The following GPHN variants were observed in gnomAD, a reference collection of about 807,000 sequenced individuals.
The protein encoded by GPHN is gephyrin.
Under a neutral mutation model 95.5 loss-of-function variants are expected in GPHN, and 17 were observed. The observed-to-expected ratio is 0.18, with a 90% CI of 0.12 to 0.27. The LOEUF (loss-of-function observed/expected upper bound fraction) is 0.27. Among genes scored for constraint, GPHN ranks in the 10% least tolerant of loss-of-function variants. The probability of loss-of-function intolerance (pLI) is 1.00; values close to 1 mark genes in which losing one functional copy is unlikely to be tolerated. For missense variants in GPHN, 660 were observed against 978.1 expected, an observed-to-expected ratio of 0.67 and a Z score of 4.34; for synonymous variants, 320 against 322.5, an observed-to-expected ratio of 0.99 and a Z score of 0.08.
chr14:67,125,789 AAAGTC>A (rs1473633454), intron 17 of GPHN, among the ~76,000 whole-genome samples: 2 of 152,066 alleles, frequency 1.3e-5, no homozygotes, highest in East Asian at 3.9e-4. Context: ...AAAAAAAAAA[AAAGTC>A]AGTAAGCACA....
the GPHN span, among the ~76,000 whole-genome samples, chr14:67,406,979 G>A: frequency 6.6e-6 from 1 of 152,262 alleles, no homozygotes; most frequent in East Asian, 1.9e-4. Flanking sequence ...GCTGAAGCAG[G>A]GGGTGCTTGG....
chr14:66,991,903 A>C (rs569537891), intron 9 of GPHN, among the ~76,000 whole-genome samples: 1 of 151,560 alleles, frequency 6.6e-6, no homozygotes, highest in Non-Finnish European at 1.5e-5. Context: ...GAAAAGAAAA[A>C]CATAGAATAA....
At chr14:66,877,158 C>G (rs2063705511) in intron 4 of GPHN, among the ~76,000 whole-genome samples, 1 of 152,170 alleles carries the variant, frequency 6.6e-6, no homozygotes. Context: ...TCAACAGATA[C>G]AGAAAAGTCC....
the GPHN span, chr14:67,586,411 C>T: frequency 7.5e-7 from 1 of 1,338,302 alleles, no homozygotes; most frequent in Non-Finnish European, 9.8e-7. Context: ...ACGTGCTCTT[C>T]TCTTCCTTGC....
chr14:67,125,928 C>A (rs1275654603), intron 17 of GPHN, among the ~76,000 whole-genome samples: 2 of 152,178 alleles, frequency 1.3e-5, no homozygotes, highest in East Asian at 3.9e-4. Context: ...ATTCTTATCA[C>A]CTGCCATAAT....
the GPHN span, among the ~76,000 whole-genome samples, chr14:67,328,358 G>A: frequency 6.6e-6 from 1 of 152,188 alleles, no homozygotes; most frequent in Non-Finnish European, 1.5e-5. Context: ...ATTTGTTTAA[G>A]TTCTTTGTAG....
intron 2 of GPHN, chr14:66,760,780 G>C (rs766366390): frequency 2.0e-6 from 1 of 490,360 alleles, no homozygotes; most frequent in Non-Finnish European, 4.0e-6. Context: ...AATACAGAGA[G>C]AGCTATGGAA....
intron 9 of GPHN, among the ~76,000 whole-genome samples, chr14:66,983,156 G>C (rs2070791824): frequency 6.6e-6 from 1 of 152,120 alleles, no homozygotes; most frequent in African/African-American, 2.4e-5. Flanking sequence ...GGAGGCTGAG[G>C]CCGGAGAATT....
the GPHN span, chr14:67,578,274 TG>T: frequency 7.3e-7 from 1 of 1,363,160 alleles, no homozygotes; most frequent in Non-Finnish European, 1.0e-6. This position sits in a 1 kb window ranked among gnomAD's most constrained non-coding sequence, Gnocchi z 5.0. Flanking sequence ...TGGGAGGAGG[TG>T]ACTGGGCAGG....
intron 1 of GPHN, among the ~76,000 whole-genome samples, chr14:66,563,214 A>G (rs1045582333): frequency 1.3e-5 from 2 of 152,196 alleles, no homozygotes; most frequent in African/African-American, 4.8e-5. Flanking sequence ...CTTGAATGCT[A>G]GAAATATGAT....
At chr14:67,727,222 G>C in the GPHN span, 4 of 1,576,506 alleles carry the variant, frequency 2.5e-6, no homozygotes, top group African/African-American at 1.3e-5. Context: ...TAGCAAAAAT[G>C]GTCCTCAGAC....
intron 8 of GPHN, among the ~76,000 whole-genome samples, chr14:66,962,812 T>C (rs2069045490): frequency 6.6e-6 from 1 of 151,834 alleles, no homozygotes; most frequent in African/African-American, 2.4e-5. Context: ...CATCTCGATT[T>C]GCCTCTTTTT....
the GPHN span, among the ~76,000 whole-genome samples, chr14:67,246,791 A>T: frequency 6.6e-6 from 1 of 150,742 alleles, no homozygotes; most frequent in African/African-American, 2.4e-5. Context: ...AGCTGGGATT[A>T]TAAGCGCGCA....
At chr14:67,576,388 C>T in the GPHN span, 2 of 1,567,006 alleles carry the variant, frequency 1.3e-6, no homozygotes, top group South Asian at 2.2e-5. This position sits in a 1 kb window ranked among gnomAD's most constrained non-coding sequence, Gnocchi z 4.0. Context: ...TTTCCGCCCT[C>T]TTCCAGGATA....
rs1256460674 is a variant in GPHN, at chr14:67,104,365, GACCTCAT to G, written c.1293+3456_1293+3462del. 9.9e-5 allele frequency among the ~76,000 whole-genome samples: 15 copies of G among 152,238 alleles called. 1 individual carries two copies. The South Asian group carries it at 2.9e-3, about 29-fold the overall frequency. ...ATGGTTTGAGTAGCAGAATAATGCT[GACCTCAT>G]AGATTGAGTTTGGAAGAATTCCTTC... On this transcript the variant is annotated intron_variant, in intron 13 of 22. Coordinates refer to ENST00000478722, the MANE Select transcript of GPHN (RefSeq NM_020806.5).
At chr14:66,685,084 CT>C (rs1233561827) in intron 2 of GPHN, among the ~76,000 whole-genome samples, 1 of 152,094 alleles carries the variant, frequency 6.6e-6, no homozygotes, top group Non-Finnish European at 1.5e-5. Flanking sequence ...TGAACTCATC[CT>C]TTTTTATGGC....
At chr14:67,645,963 G>C in the GPHN span, among the ~76,000 whole-genome samples, 1 of 152,156 alleles carries the variant, frequency 6.6e-6, no homozygotes, top group Non-Finnish European at 1.5e-5. Flanking sequence ...CAGATGCTAG[G>C]GGTATAAAGA....
At chr14:67,705,542 T>C in the GPHN span, among the ~76,000 whole-genome samples, 2 of 152,200 alleles carry the variant, frequency 1.3e-5, no homozygotes, top group African/African-American at 2.4e-5. Context: ...AAATGCAATG[T>C]GGGGTCCTGA....
At chr14:66,927,901 A>T (rs1006962586) in intron 8 of GPHN, among the ~76,000 whole-genome samples, 1 of 152,136 alleles carries the variant, frequency 6.6e-6, no homozygotes, top group African/African-American at 2.4e-5. Flanking sequence ...CTTGGTCATG[A>T]TGAATGATGT....
Sources: allele counts gnomAD v4.1 joint callset (sites outside exome capture counted in the v4.1 genomes callset), GRCh38; gene constraint gnomAD v4.1.1; non-coding constraint Gnocchi (gnomAD v3.1); transcripts MANE v1.5; gene names NCBI Gene and HGNC (gene_info 2026-07-23, HGNC 2026-07-21).